Variants in FGF12 observed in about 807,000 individuals in gnomAD.
The protein encoded by FGF12 is fibroblast growth factor 12, also known as fibroblast growth factor 12B.
Under a neutral mutation model 23.6 loss-of-function variants are expected in FGF12, and 14 were observed. The observed-to-expected ratio is 0.59, with a 90% CI of 0.39 to 0.93. FGF12 has a LOEUF of 0.93. FGF12 is among the 40% of genes least tolerant of loss of function. FGF12 has a pLI of 0.00. For synonymous variants in FGF12, 62 were observed against 77.3 expected (o/e 0.80, Z 1.04); for missense variants, 175 against 217.8 (o/e 0.80, Z 1.24).
rs376386122 is a variant in FGF12 at position 192,512,859 on chromosome 3, T to TATATATATATAAAA, written c.14-152322_14-152321insTTTTATATATATAT. Among the ~76,000 whole-genome samples, 61 of 57,406 alleles carry TATATATATATAAAA rather than the reference T, an allele frequency of 1.1e-3. 1 individual carries two copies. Among genetic ancestry groups the TATATATATATAAAA allele is most frequent in the East Asian group, 1.2e-3 (3 of 2,588 alleles). 37.7% of individuals were successfully genotyped at this position (57,406 alleles called of 152,430 possible). On this transcript the variant is annotated intron_variant, in intron 2 of 5. Coordinates refer to ENST00000445105, the MANE Select transcript of FGF12 (RefSeq NM_004113.6). ...AAATATATATATATATATATATATA[T>TATATATATATAAAA]AACAGGCTATGTCTATCATTTCCAC...
intron 2 of FGF12, among the ~76,000 whole-genome samples, chr3:192,576,845 A>G (rs1267089322): frequency 2.0e-5 from 3 of 152,138 alleles, no homozygotes; most frequent in Admixed American, 6.5e-5. Context: ...AGAAAATGTG[A>G]CACATAGACA....
At chr3:192,646,208 CACAATATCAA>C (rs967544974) in intron 2 of FGF12, among the ~76,000 whole-genome samples, 1 of 125,372 alleles carries the variant, frequency 8.0e-6, no homozygotes, top group Non-Finnish European at 1.8e-5. Context: ...TAACTTGAGA[CACAATATCAA>C]TCAATCAATC....
intron 2 of FGF12, among the ~76,000 whole-genome samples, chr3:192,595,018 T>C (rs1371590424): frequency 6.6e-6 from 1 of 152,196 alleles, no homozygotes; most frequent in African/African-American, 2.4e-5. Flanking sequence ...ATTGAGTGAT[T>C]GTAAATTATT....
intron 5 of FGF12, among the ~76,000 whole-genome samples, chr3:192,164,284 G>A (rs1029077573): frequency 1.3e-5 from 2 of 152,172 alleles, no homozygotes; most frequent in Non-Finnish European, 2.9e-5. Flanking sequence ...CAGGAAGCCT[G>A]TGCTATTGTC....
chr3:192,566,040 T>C (rs144124731), intron 2 of FGF12, among the ~76,000 whole-genome samples: 144 of 152,320 alleles, frequency 9.5e-4, no homozygotes, highest in African/African-American at 3.1e-3. Flanking sequence ...GAGCCGAGAT[T>C]GCGCCATTGC....
intron 4 of FGF12, among the ~76,000 whole-genome samples, chr3:192,173,984 G>A (rs1248935207): frequency 1.3e-5 from 2 of 152,202 alleles, no homozygotes; most frequent in South Asian, 4.1e-4. Context: ...GCTAGCGGCA[G>A]ATCCAGACCC....
intron 2 of FGF12, among the ~76,000 whole-genome samples, chr3:192,424,965 G>T (rs1238164836): frequency 6.6e-6 from 1 of 152,124 alleles, no homozygotes; most frequent in African/African-American, 2.4e-5. Flanking sequence ...AAGGTGAGTT[G>T]TCATGCATAC....
intron 2 of FGF12, among the ~76,000 whole-genome samples, chr3:192,411,841 T>A (rs1721210186): frequency 6.6e-6 from 1 of 152,232 alleles, no homozygotes; most frequent in Admixed American, 6.5e-5. Flanking sequence ...ATTTGGAGTC[T>A]CTTTTATATT....
intron 5 of FGF12, among the ~76,000 whole-genome samples, chr3:192,167,770 AAAT>A (rs1352684300): frequency 1.1e-3 from 10 of 9,112 alleles, no homozygotes; most frequent in African/African-American, 3.3e-3. Flanking sequence ...TATATATATA[AAAT>A]TTTTTTTTTT....
At chr3:192,146,871 T>A (rs1484461880) in intron 5 of FGF12, among the ~76,000 whole-genome samples, 1 of 152,168 alleles carries the variant, frequency 6.6e-6, no homozygotes, top group African/African-American at 2.4e-5. Flanking sequence ...AGACCAAAAG[T>A]CACCAGTGCC....
chr3:192,231,206 G>A (rs1020649373), intron 4 of FGF12, among the ~76,000 whole-genome samples: 1 of 152,068 alleles, frequency 6.6e-6, no homozygotes, highest in African/African-American at 2.4e-5. Context: ...TATTATTGAT[G>A]CAGGTTTCAG....
At chr3:192,345,514 C>A (rs1177468759) in intron 3 of FGF12, among the ~76,000 whole-genome samples, 1 of 96,404 alleles carries the variant, frequency 1.0e-5, no homozygotes, top group South Asian at 3.3e-4. Context: ...GGTGAAACCC[C>A]GTCTCTACTA....
At chr3:192,575,983 C>A (rs1361451585) in intron 2 of FGF12, among the ~76,000 whole-genome samples, 2 of 151,926 alleles carry the variant, frequency 1.3e-5, no homozygotes, top group African/African-American at 4.8e-5. Context: ...TTTTTACTTG[C>A]AATGAAAATT....
At chr3:192,214,385 T>G (rs1237621696) in intron 4 of FGF12, among the ~76,000 whole-genome samples, 1 of 152,198 alleles carries the variant, frequency 6.6e-6, no homozygotes, top group Non-Finnish European at 1.5e-5. Flanking sequence ...TGAATCTTGG[T>G]GTGTTTTACT....
intron 3 of FGF12, among the ~76,000 whole-genome samples, chr3:192,340,363 C>T (rs1233930450): frequency 6.6e-6 from 1 of 152,038 alleles, no homozygotes; most frequent in East Asian, 1.9e-4. Context: ...CAAAACTACA[C>T]TTGTATAATA....
chr3:192,272,499 C>T (rs1456839645), intron 4 of FGF12, among the ~76,000 whole-genome samples: 1 of 152,042 alleles, frequency 6.6e-6, no homozygotes, highest in Non-Finnish European at 1.5e-5. Flanking sequence ...ACCTAATTAC[C>T]AGCAAATTAC....
chr3:192,595,471 G>A (rs1213616557), intron 2 of FGF12, among the ~76,000 whole-genome samples: 5 of 151,992 alleles, frequency 3.3e-5, no homozygotes, highest in Admixed American at 6.6e-5. Context: ...AGTTCTTAAC[G>A]TCTGACTTAT....
chr3:192,628,473 A>G lies in FGF12; in HGVS notation c.13+98708T>C, dbSNP rs1480947258. Among the ~76,000 whole-genome samples, 14 of 140,128 alleles carry G rather than the reference A, an allele frequency of 1.0e-4. No individual in the cohort carries two copies. In the Admixed American group the frequency reaches 1.0e-3, roughly 10 times the overall value. 91.9% of individuals were successfully genotyped at this position (140,128 alleles called of 152,430 possible). ...CACACACACACACACACACACACACACACACACACACACAGACATATATGT... is the reference window on the plus strand; with the variant it reads ...CACACACACACACACACACACACACGCACACACACACACAGACATATATGT... On this transcript the variant is annotated intron_variant, in intron 2 of 5. Coordinates refer to ENST00000445105, the MANE Select transcript of FGF12 (RefSeq NM_004113.6).
intron 4 of FGF12, among the ~76,000 whole-genome samples, chr3:192,205,358 C>G (rs988106459): frequency 2.0e-5 from 3 of 152,108 alleles, no homozygotes; most frequent in African/African-American, 7.2e-5. Flanking sequence ...TATCCTACCC[C>G]CATGTTAATA....
Sources: gnomAD v4.1 joint callset for allele counts (sites outside exome capture counted in the v4.1 genomes callset) on GRCh38, gnomAD v4.1.1 for gene constraint, MANE v1.5 for transcripts, NCBI Gene and HGNC (gene_info 2026-07-23, HGNC 2026-07-21) for gene names.